TMEM117: variants seen among roughly 807,000 people sequenced by gnomAD.
TMEM117 encodes the protein transmembrane protein 117.
In TMEM117, 27 loss-of-function variants were observed where a neutral mutation model predicts 52.4. The ratio of observed to expected loss-of-function variants is 0.51; its 90% CI spans 0.38 to 0.71. The LOEUF (loss-of-function observed/expected upper bound fraction) is 0.71, where lower values mean the gene tolerates loss of function less well. Ranked by LOEUF, TMEM117 falls within the 30% of genes least tolerant of loss-of-function variation. The pLI is 0.00. For missense variants in TMEM117, 556 were observed against 630.5 expected (o/e 0.88, Z 1.26); for synonymous variants, 215 against 206.3 (o/e 1.04, Z -0.36).
upstream of TMEM117, among the ~76,000 whole-genome samples, chr12:43,832,769 C>T (rs1592292238): frequency 1.3e-5 from 2 of 152,188 alleles, no homozygotes; most frequent in African/African-American, 4.8e-5. Flanking sequence ...ACTATGGCTA[C>T]TTGTGAGATC....
At chr12:43,919,493 T>C (rs1238412545) in intron 2 of TMEM117, among the ~76,000 whole-genome samples, 1 of 152,214 alleles carries the variant, frequency 6.6e-6, no homozygotes, top group Non-Finnish European at 1.5e-5. Flanking sequence ...CTGAATACTA[T>C]ATCATTGTGT....
chr12:44,162,902 A>G (rs559791879), intron 4 of TMEM117, among the ~76,000 whole-genome samples: 1 of 152,306 alleles, frequency 6.6e-6, no homozygotes, highest in East Asian at 1.9e-4. Context: ...TCCCTAGGAA[A>G]AATCCTAAGA....
the TMEM117 span, chr12:43,802,376 T>G: frequency 5.6e-6 from 9 of 1,606,666 alleles, no homozygotes; most frequent in Admixed American, 3.4e-5. Flanking sequence ...AGCATGGTTG[T>G]TTGTCCTCCA....
chr12:43,807,334 TTTC>T, the TMEM117 span, among the ~76,000 whole-genome samples: 1 of 152,236 alleles, frequency 6.6e-6, no homozygotes, highest in Non-Finnish European at 1.5e-5. Context: ...TGCAATTGTT[TTTC>T]TTTACAAGAA....
At chr12:44,181,881 T>C (rs535794762) in intron 4 of TMEM117, among the ~76,000 whole-genome samples, 1 of 152,132 alleles carries the variant, frequency 6.6e-6, no homozygotes, top group South Asian at 2.1e-4. Flanking sequence ...TTTTTTCCAA[T>C]TCTGTGAAGA....
intron 3 of TMEM117, among the ~76,000 whole-genome samples, chr12:44,090,209 G>T (rs1218585459): frequency 6.6e-6 from 1 of 151,758 alleles, no homozygotes; most frequent in Non-Finnish European, 1.5e-5. Flanking sequence ...TTAGATTCAG[G>T]GGGTACATGT....
intron 3 of TMEM117, among the ~76,000 whole-genome samples, chr12:44,095,049 C>CA (rs1205593361): frequency 2.0e-5 from 3 of 151,724 alleles, no homozygotes; most frequent in African/African-American, 4.8e-5. Context: ...GGGATCAGGG[C>CA]AAAAAAATCG....
intron 3 of TMEM117, among the ~76,000 whole-genome samples, chr12:44,033,383 A>G (rs761529601): frequency 2.6e-5 from 4 of 152,006 alleles, no homozygotes; most frequent in African/African-American, 4.8e-5. Context: ...CACTTTATGG[A>G]CTCACTCTGA....
chr12:44,258,623 A>G lies in TMEM117; in HGVS notation c.609-40957A>G, dbSNP rs573260214. Among the ~76,000 whole-genome samples, 327 of 152,324 alleles carry G rather than the reference A, an allele frequency of 2.1e-3. 2 individuals carry two copies. The highest frequency in any genetic ancestry group is 7.2e-3 in the African/African-American group (298 of 41,586). On this transcript the variant is annotated intron_variant, in intron 5 of 7. Transcript: ENST00000266534. ...AACTCTTTTGAAAAAATAATTAAAG[A>G]TTGGTTCAAAACATTTGTAATTACA...
intron 5 of TMEM117, among the ~76,000 whole-genome samples, chr12:44,212,488 C>G (rs1458808653): frequency 1.3e-5 from 2 of 151,974 alleles, no homozygotes; most frequent in Non-Finnish European, 2.9e-5. Context: ...TGAAAGTTCT[C>G]TACTTAATAA....
chr12:44,048,394 G>T, intron 3 of TMEM117, among the ~76,000 whole-genome samples: 1 of 151,220 alleles, frequency 6.6e-6, no homozygotes, highest in East Asian at 1.9e-4. Context: ...CACTTTATTT[G>T]CATTTGTTTT....
chr12:44,375,026 T>C (rs1951922181), intron 6 of TMEM117, among the ~76,000 whole-genome samples: 1 of 152,114 alleles, frequency 6.6e-6, no homozygotes, highest in Non-Finnish European at 1.5e-5. Context: ...ATTATCATTA[T>C]TATTATTATT....
At chr12:44,169,184 T>C (rs1949010799) in intron 4 of TMEM117, among the ~76,000 whole-genome samples, 1 of 152,210 alleles carries the variant, frequency 6.6e-6, no homozygotes, top group African/African-American at 2.4e-5. Flanking sequence ...TCTCTTCAAG[T>C]CTCTGTTTTC....
intron 3 of TMEM117, among the ~76,000 whole-genome samples, chr12:43,990,765 G>A (rs1225038421): frequency 6.6e-6 from 1 of 152,028 alleles, no homozygotes; most frequent in Admixed American, 6.6e-5. Context: ...GCTGAGAGAG[G>A]CATAAGAGAC....
At chr12:44,211,773 A>G (rs1037733463) in intron 5 of TMEM117, among the ~76,000 whole-genome samples, 1 of 152,074 alleles carries the variant, frequency 6.6e-6, no homozygotes, top group East Asian at 1.9e-4. Context: ...AAGAAAAGGA[A>G]CCTCTTTATA....
At chr12:44,374,713 A>T (rs942670192) in intron 6 of TMEM117, among the ~76,000 whole-genome samples, 3 of 151,860 alleles carry the variant, frequency 2.0e-5, no homozygotes, top group African/African-American at 7.3e-5. Context: ...GATTGCTTTC[A>T]AACTAAAACC....
At position 43,925,815 on chromosome 12, in the gene TMEM117, C is replaced by T. The variant is rs142622335; in HGVS notation, c.278-18395C>T. ...GGATCCATGGGCTGAGCTTGACCCT[C>T]GTGTACCATCATGTGCTTCAGATGC... On this transcript the variant is annotated intron_variant, in intron 2 of 7. Transcript: ENST00000266534. Among the ~76,000 whole-genome samples, 195 of 152,284 alleles carry T rather than the reference C, an allele frequency of 1.3e-3. 1 individual carries two copies. The highest frequency in any genetic ancestry group is 4.5e-3 in the African/African-American group (185 of 41,560).
At chr12:44,123,620 G>A (rs1419122937) in intron 3 of TMEM117, among the ~76,000 whole-genome samples, 2 of 152,080 alleles carry the variant, frequency 1.3e-5, no homozygotes, top group Non-Finnish European at 2.9e-5. Context: ...TCTGCATATG[G>A]CTAGCCAGTT....
rs73096905 is a variant in TMEM117, at chr12:43,836,708, T to A, written c.-29+512T>A. Among the ~76,000 whole-genome samples, 1,447 of 152,256 alleles carry A rather than the reference T, an allele frequency of 9.5e-3. 12 individuals carry two copies. The highest frequency in any genetic ancestry group is 0.044 in the Middle Eastern group (13 of 294). On this transcript the variant is annotated intron_variant, in intron 1 of 7. Transcript: ENST00000266534. The stretch of plus-strand genomic sequence containing the variant: ...TAACTTCATCGTGACTAAATAAAAC[T>A]ATTTTTTTTCATTCCTATTTTTGAA...
Sources: allele counts gnomAD v4.1 joint callset (sites outside exome capture counted in the v4.1 genomes callset), GRCh38; gene constraint gnomAD v4.1.1; transcripts MANE v1.5; gene names NCBI Gene and HGNC (gene_info 2026-07-23, HGNC 2026-07-21).